RGS7: variants seen among roughly 807,000 people sequenced by gnomAD.
RGS7 encodes regulator of G protein signaling 7, also known as regulator of G-protein signaling 7.
RGS7 carries 27 observed loss-of-function variants against 81.1 expected under a neutral mutation model. That is an observed-to-expected ratio of 0.33 (90% CI 0.25 to 0.46). The LOEUF (loss-of-function observed/expected upper bound fraction) is 0.46. Among genes scored for constraint, RGS7 ranks in the 20% least tolerant of loss-of-function variants. The pLI is 1.00. For synonymous variants in RGS7, 208 were observed against 207.7 expected, an observed-to-expected ratio of 1.00 and a Z score of -0.01; for missense variants, 396 against 607.4, an observed-to-expected ratio of 0.65 and a Z score of 3.66.
At chr1:241,296,083 G>GTTGCAACTTAAGAGAGAA (rs1278621664) in intron 2 of RGS7, among the ~76,000 whole-genome samples, 7 of 152,292 alleles carry the variant, frequency 4.6e-5, no homozygotes, top group Non-Finnish European at 1.5e-5. Context: ...AGAGAAGCCT[G>GTTGCAACTTAAGAGAGAA]GGCTGGTGGT....
intron 2 of RGS7, among the ~76,000 whole-genome samples, chr1:241,187,930 T>C (rs1360365036): frequency 2.0e-5 from 3 of 151,846 alleles, no homozygotes; most frequent in Non-Finnish European, 4.4e-5. Flanking sequence ...AAAATAAAAG[T>C]GGGGTAGGAA....
chr1:241,117,376 A>G (rs2065948686), intron 2 of RGS7, among the ~76,000 whole-genome samples: 1 of 152,180 alleles, frequency 6.6e-6, no homozygotes, highest in African/African-American at 2.4e-5. Flanking sequence ...TTCATTCTAT[A>G]TGGCAGTTGT....
At chr1:240,919,789 G>C (rs1442883487) in intron 6 of RGS7, 18 of 718,502 alleles carry the variant, frequency 2.5e-5, no homozygotes, top group Non-Finnish European at 4.6e-5. Flanking sequence ...GTGGTAATGA[G>C]AGATTCAAAC....
At chr1:241,001,455 C>A (rs1391084758) in intron 3 of RGS7, among the ~76,000 whole-genome samples, 2 of 151,890 alleles carry the variant, frequency 1.3e-5, no homozygotes, top group Admixed American at 1.3e-4. Flanking sequence ...GATACAAAAC[C>A]TAGCAGCCAT....
intron 4 of RGS7, among the ~76,000 whole-genome samples, chr1:240,944,999 C>T (rs1338038405): frequency 4.5e-5 from 6 of 131,906 alleles, no homozygotes; most frequent in Non-Finnish European, 4.8e-5. Flanking sequence ...GCGTGTGCCA[C>T]GCATCCAGCC....
intron 2 of RGS7, among the ~76,000 whole-genome samples, chr1:241,134,503 G>A (rs1370954247): frequency 6.6e-6 from 1 of 152,110 alleles, no homozygotes; most frequent in African/African-American, 2.4e-5. Context: ...ACAACCAAAT[G>A]TAATGCGTGA....
At chr1:241,256,339 T>C (rs548952938) in intron 2 of RGS7, among the ~76,000 whole-genome samples, 1 of 152,270 alleles carries the variant, frequency 6.6e-6, no homozygotes. Context: ...CTGAAAAAAA[T>C]GTTTGTCAAC....
chr1:241,328,338 C>A (rs1210455406), intron 2 of RGS7, among the ~76,000 whole-genome samples: 2 of 152,218 alleles, frequency 1.3e-5, no homozygotes, highest in African/African-American at 4.8e-5. Flanking sequence ...TGGTCCACTG[C>A]ATGCCTTACA....
chr1:241,123,587 C>T (rs2066446419), intron 2 of RGS7, among the ~76,000 whole-genome samples: 1 of 152,128 alleles, frequency 6.6e-6, no homozygotes, highest in African/African-American at 2.4e-5. Flanking sequence ...CCCGTCTCTA[C>T]TAAAAATACA....
intron 3 of RGS7, among the ~76,000 whole-genome samples, chr1:241,025,520 A>C (rs2059739617): frequency 6.6e-6 from 1 of 152,162 alleles, no homozygotes; most frequent in Non-Finnish European, 1.5e-5. Flanking sequence ...CTCCAGATTC[A>C]AGCTCTAACT....
rs879531868 is a variant in RGS7 at position 241,235,914 on chromosome 1, G to GAGAA, written c.78+119784_78+119785insTTCT. ...AACCCCTAGGAGATGCACTTTGAGA[G>GAGAA]AGAGAGAGAGAGAGAGAGAAAGACA... On this transcript the variant is annotated intron_variant, in intron 2 of 18. Coordinates refer to ENST00000440928, the MANE Select transcript of RGS7 (RefSeq NM_001364886.1). Among the ~76,000 whole-genome samples the GAGAA allele has an allele frequency of 3.3e-4, 49 of 146,388 alleles. 1 individual carries two copies. Among genetic ancestry groups the GAGAA allele is most frequent in the Middle Eastern group, 3.7e-3 (1 of 272 alleles).
At chr1:241,028,437 T>C (rs1475968730) in intron 3 of RGS7, among the ~76,000 whole-genome samples, 2 of 152,138 alleles carry the variant, frequency 1.3e-5, no homozygotes, top group Non-Finnish European at 2.9e-5. Flanking sequence ...TATTATGCAG[T>C]GAGGGAGGAC....
intron 2 of RGS7, among the ~76,000 whole-genome samples, chr1:241,287,855 A>G (rs1056021793): frequency 1.3e-5 from 2 of 152,222 alleles, no homozygotes; most frequent in African/African-American, 4.8e-5. Flanking sequence ...GGCTTGGGCA[A>G]ATGCAGGGGC....
intron 4 of RGS7, among the ~76,000 whole-genome samples, chr1:240,960,217 C>CTTTTTTTTTTT (rs750366747): frequency 7.8e-4 from 7 of 8,952 alleles, no homozygotes; most frequent in South Asian, 9.3e-3. Context: ...TCTTCTTCTT[C>CTTTTTTTTTTT]TTTTTTTTTT....
At chr1:240,808,605 CAGA>C (rs1317675037) in intron 14 of RGS7, among the ~76,000 whole-genome samples, 1 of 152,182 alleles carries the variant, frequency 6.6e-6, no homozygotes, top group East Asian at 1.9e-4. Context: ...GGTTTGCTCC[CAGA>C]AGATCTGCAG....
intron 3 of RGS7, among the ~76,000 whole-genome samples, chr1:241,078,176 T>G (rs2062917574): frequency 6.7e-6 from 1 of 148,790 alleles, no homozygotes; most frequent in South Asian, 2.1e-4. Flanking sequence ...TATTAATATA[T>G]AAATAATATA....
chr1:240,886,679 G>A (rs1439626345), intron 6 of RGS7, among the ~76,000 whole-genome samples: 3 of 152,022 alleles, frequency 2.0e-5, no homozygotes, highest in South Asian at 2.1e-4. Flanking sequence ...TAACCAATAC[G>A]AGACTGAGAG....
At chr1:241,133,557 A>G (rs1484944736) in intron 2 of RGS7, among the ~76,000 whole-genome samples, 1 of 152,148 alleles carries the variant, frequency 6.6e-6, no homozygotes, top group Non-Finnish European at 1.5e-5. Context: ...ACCAAGAAAA[A>G]GAACACTCAT....
In RGS7 at chr1:241,327,143, A is replaced by AAAGG. The variant is rs1553320949; in HGVS notation, c.78+28552_78+28555dup. On this transcript the variant is annotated intron_variant, in intron 2 of 18. Transcript: ENST00000440928. ...GAAAGAAAGAAAGAAAGAAAGAAAG[A>AAAGG]AAGGAAAGAAAGAAAGAAAGAAACA... 1.5e-4 allele frequency among the ~76,000 whole-genome samples: 12 copies of AAAGG among 80,878 alleles called. 1 individual carries two copies. The highest frequency in any genetic ancestry group is 3.4e-4 in the East Asian group (1 of 2,980). 53.1% of individuals were successfully genotyped at this position (80,878 alleles called of 152,430 possible).
Sources: gnomAD v4.1 joint callset for allele counts (sites outside exome capture counted in the v4.1 genomes callset) on GRCh38, gnomAD v4.1.1 for gene constraint, MANE v1.5 for transcripts, NCBI Gene and HGNC (gene_info 2026-07-23, HGNC 2026-07-21) for gene names.